The following ANKRD24 variants were observed in gnomAD, a reference collection of about 807,000 sequenced individuals.
The protein encoded by ANKRD24 is ankyrin repeat domain 24.
In ANKRD24, 109 loss-of-function variants were observed where a neutral mutation model predicts 127.8. The ratio of observed to expected loss-of-function variants is 0.85; its 90% CI spans 0.73 to 1.00. The LOEUF (loss-of-function observed/expected upper bound fraction) is 1.00, where lower values mean the gene tolerates loss of function less well. Among genes scored for constraint, ANKRD24 ranks in the 50% least tolerant of loss-of-function variants. ANKRD24 has a pLI of 0.00. For missense variants in ANKRD24, 1,648 were observed against 1,570.2 expected, an observed-to-expected ratio of 1.05 and a Z score of -0.84; for synonymous variants, 743 against 671.1, an observed-to-expected ratio of 1.11 and a Z score of -1.66.
intron 7 of ANKRD24, 52 bp downstream of exon 7, chr19:4,202,978 T>C (rs1969179219): frequency 6.8e-7 from 1 of 1,474,874 alleles, no homozygotes; most frequent in Non-Finnish European, 9.1e-7. Context: ...GGTGCTAGAC[T>C]TGGGGGTTAT....
chr19:4,189,578 G>T (rs1258588414), intron 2 of ANKRD24, among the ~76,000 whole-genome samples: 1 of 151,368 alleles, frequency 6.6e-6, no homozygotes, highest in Non-Finnish European at 1.5e-5. Context: ...AAGAGATGGG[G>T]TCTCACTATG....
chr19:4,186,886 C>T (rs1968095928), intron 2 of ANKRD24, among the ~76,000 whole-genome samples: 1 of 152,188 alleles, frequency 6.6e-6, no homozygotes, highest in Admixed American at 6.6e-5. Context: ...ACAGGGGAAT[C>T]AGCCAGGGAA....
rs1968707772 is a variant in ANKRD24 at position 4,195,918 on chromosome 19, G to C, written c.37-3765G>C. Among the ~76,000 whole-genome samples, 1 of 152,084 alleles carries C rather than the reference G, an allele frequency of 6.6e-6. No individual in the cohort carries two copies. Among genetic ancestry groups the C allele is most frequent in the African/African-American group, 2.4e-5 (1 of 41,418 alleles). Reference sequence around the variant, plus strand: ...CAAAAGAAAAAAAGTAAAAGTCTAAGAATAATCACGGACCACACCGACGTG... The same window carrying C: ...CAAAAGAAAAAAAGTAAAAGTCTAACAATAATCACGGACCACACCGACGTG... On this transcript the variant is annotated intron_variant, in intron 2 of 21. Coordinates refer to ENST00000318934, the MANE Select transcript of ANKRD24 (RefSeq NM_001393985.1). The surrounding 1 kb of genome is among the most constrained non-coding windows in gnomAD (Gnocchi z 4.2).
Position 4,202,108 on chromosome 19 carries a change from C to T in ANKRD24, c.408+18C>T. The T allele has an allele frequency of 6.2e-7, 1 of 1,611,798 alleles. No individual in the cohort carries two copies. The highest frequency in any genetic ancestry group is 8.5e-7 in the Non-Finnish European group (1 of 1,178,016). On this transcript the variant is annotated intron_variant, in intron 6 of 21. Coordinates refer to ENST00000318934, the MANE Select transcript of ANKRD24 (RefSeq NM_001393985.1). Reference sequence around the variant, plus strand: ...TACTGCAGGTCATTTACTGTCTTATCTCAGCTACTCCCTTGGCCCCTACTA... The same window carrying T: ...TACTGCAGGTCATTTACTGTCTTATTTCAGCTACTCCCTTGGCCCCTACTA...
At position 4,217,610 on chromosome 19, in the gene ANKRD24, A is replaced by C; in HGVS notation, c.2450A>C (p.Glu817Ala). 7.7e-7 allele frequency: 1 copy of C among 1,292,024 alleles called. No homozygotes were observed. The highest frequency in any genetic ancestry group is 3.3e-5 in the East Asian group (1 of 30,282). The allele number at this position is 1,292,024 out of a possible 1,614,324, so 80.0% of individuals were successfully genotyped here. ...ELEAASACLD[E>A]ARASRLLAEE... is the part of the protein sequence containing the mutation. ...GAGGCGGCCTCGGCCTGCCTGGATG[A>C]GGCTCGGGCCAGCCGGCTGCTGGCG... The change falls in exon 18 of 22, where the codon GAG (glutamate) becomes GCG (alanine). Residue 817 changes from glutamate to alanine, a missense_variant. Coordinates refer to ENST00000318934, the MANE Select transcript of ANKRD24 (RefSeq NM_001393985.1).
Position 4,195,128 on chromosome 19 carries a change from A to G in ANKRD24, c.37-4555A>G, listed in dbSNP as rs1286067428. The stretch of plus-strand genomic sequence containing the variant: ...CACTCTGTCACCCAGGTTGGAGTGC[A>G]GTGGCACGACTTCTGCTCACTGCAA... On this transcript the variant is annotated intron_variant, in intron 2 of 21. Coordinates refer to ENST00000318934, the MANE Select transcript of ANKRD24 (RefSeq NM_001393985.1). This position sits in a 1 kb window ranked among gnomAD's most constrained non-coding sequence, Gnocchi z 4.2. Among the ~76,000 whole-genome samples, 3 of 151,862 alleles carry G rather than the reference A, an allele frequency of 2.0e-5. No homozygotes were observed. Among genetic ancestry groups the G allele is most frequent in the African/African-American group, 7.3e-5 (3 of 41,316 alleles).
intron 11 of ANKRD24, among the ~76,000 whole-genome samples, 157 bp from the exon 12 acceptor site, chr19:4,209,901 T>G (rs777576865): frequency 1.5e-4 from 22 of 143,232 alleles, no homozygotes; most frequent in Non-Finnish European, 2.3e-4. Context: ...TGTCTGCGCT[T>G]TGCTGGGATA....
chr19:4,201,215 G>C (rs1429920352), intron 5 of ANKRD24, among the ~76,000 whole-genome samples: 2 of 152,072 alleles, frequency 1.3e-5, no homozygotes, highest in Non-Finnish European at 2.9e-5. Flanking sequence ...GCCAAAAGGA[G>C]TAGTTGGGGC....
At chr19:4,190,252 G>A (rs914250177) in intron 2 of ANKRD24, among the ~76,000 whole-genome samples, 7 of 151,708 alleles carry the variant, frequency 4.6e-5, no homozygotes, top group Admixed American at 2.6e-4. Context: ...TCATTAACAC[G>A]GTGAAACCCC....
At chr19:4,210,219 G>A (rs751804233) in intron 12 of ANKRD24, 46 bp from the exon 13 acceptor site, 2 of 1,560,102 alleles carry the variant, frequency 1.3e-6, no homozygotes, top group African/African-American at 2.7e-5. Context: ...CCTGGGATGG[G>A]GCAACCTTAG....
rs201747911 is a variant in ANKRD24 at position 4,224,173 on chromosome 19, A to G, written c.3344A>G (p.His1115Arg). The change falls in exon 21 of 22, where the codon CAC becomes CGC. Residue 1115 changes from histidine to arginine, a missense_variant. Coordinates refer to ENST00000318934, the MANE Select transcript of ANKRD24 (RefSeq NM_001393985.1). ...HSSVVALYRS[H>R]LLYAIQGQMD... ...AGCGTGGTGGCTTTGTACAGAAGCCACCTCCTATATGCCATTCAGGTGAGT... is the reference window on the plus strand; with the variant it reads ...AGCGTGGTGGCTTTGTACAGAAGCCGCCTCCTATATGCCATTCAGGTGAGT... 1 of 1,611,636 alleles carries G rather than the reference A, an allele frequency of 6.2e-7. No homozygotes were observed. Among genetic ancestry groups the G allele is most frequent in the African/African-American group, 1.3e-5 (1 of 74,802 alleles).
chr19:4,207,423 C>T lies in ANKRD24; in HGVS notation c.538-78C>T, dbSNP rs1305332838. On this transcript the variant is annotated intron_variant, in intron 8 of 21. Transcript: ENST00000318934. ...GTCTGAGAAAGTTTGAGGTGAAACT[C>T]AAGGGCAGTTATATAGGCTTCTGCA... is the stretch of plus-strand genomic sequence containing the variant. 5 of 1,572,834 alleles carry T rather than the reference C, an allele frequency of 3.2e-6. 1 individual carries two copies. Among genetic ancestry groups the T allele is most frequent in the East Asian group, 4.5e-5 (2 of 44,664 alleles).
Position 4,217,673 on chromosome 19 carries a change from A to G in ANKRD24, c.2513A>G (p.Gln838Arg). The G allele has an allele frequency of 7.8e-7, 1 of 1,285,752 alleles. No homozygotes were observed. Among genetic ancestry groups the G allele is most frequent in the South Asian group, 2.4e-5 (1 of 42,538 alleles). The allele number at this position is 1,285,752 out of a possible 1,614,324, so 79.6% of individuals were successfully genotyped here. A position where few individuals can be genotyped will look rare whatever the true frequency, so the allele number is the denominator to read the frequency against. ...EARGLRAELAQREEARLEQSR... is the reference protein window; with the variant it reads ...EARGLRAELARREEARLEQSR... ...CGGGGCCTGCGGGCCGAGCTGGCCC[A>G]GCGGGAGGAGGCGCGGCTGGAGCAG... Residue 838 changes from glutamine to arginine, a missense_variant, in exon 18 of 22, where the codon CAG becomes CGG. Transcript: ENST00000318934.
At position 4,207,294 on chromosome 19, in the gene ANKRD24, T is replaced by C. The variant is rs1175638738; in HGVS notation, c.519T>C (p.His173=). The C allele has an allele frequency of 6.2e-7, 1 of 1,613,774 alleles. No individual in the cohort carries two copies. Among genetic ancestry groups the C allele is most frequent in the Non-Finnish European group, 8.5e-7 (1 of 1,179,854 alleles). The change falls in exon 8 of 22, where the codon CAT becomes CAC. Residue 173 remains histidine, a synonymous_variant. Coordinates refer to ENST00000318934, the MANE Select transcript of ANKRD24 (RefSeq NM_001393985.1). Reference sequence around the variant, plus strand: ...AGGTGCTCTGCTCCTTTAAGGCACATCTAAACCCCCAAGATCGGGTAAGCT... The same window carrying C: ...AGGTGCTCTGCTCCTTTAAGGCACACCTAAACCCCCAAGATCGGGTAAGCT... ...CSEVLCSFKA[H]LNPQDRSGAT... is the part of the protein sequence containing the mutation.
intron 15 of ANKRD24, 61 bp downstream of exon 15, chr19:4,212,759 G>A: frequency 6.9e-7 from 1 of 1,448,448 alleles, no homozygotes; most frequent in Non-Finnish European, 9.4e-7. Context: ...CTCTCCTACA[G>A]CAGCGACAAG....
intron 19 of ANKRD24, 30 bp from the exon 20 acceptor site, chr19:4,222,640 G>A (rs778880285): frequency 6.3e-7 from 1 of 1,580,128 alleles, no homozygotes; most frequent in East Asian, 2.3e-5. Flanking sequence ...CTGGGCTTAG[G>A]GTGATCGCTG....
chr19:4,203,957 C>CTTTTTTTT (rs34885254), intron 7 of ANKRD24, among the ~76,000 whole-genome samples: 2 of 62,358 alleles, frequency 3.2e-5, no homozygotes, highest in Non-Finnish European at 5.6e-5. Context: ...GCCCTTCTCC[C>CTTTTTTTT]TTTTTTTTTT....
In ANKRD24 at chr19:4,199,999, A is replaced by T; in HGVS notation, c.248A>T (p.Lys83Met). The T allele has an allele frequency of 6.4e-7, 1 of 1,562,664 alleles. No individual in the cohort carries two copies. Among genetic ancestry groups the T allele is most frequent in the Non-Finnish European group, 8.7e-7 (1 of 1,152,228 alleles). The change falls in exon 4 of 22, where the codon AAG becomes ATG. Residue 83 changes from lysine to methionine, a missense_variant. Lys to Met is a moderately conservative substitution (Grantham distance 95). Transcript: ENST00000318934. This position sits in a 1 kb window ranked among gnomAD's most constrained non-coding sequence, Gnocchi z 5.2. ...LVPTKLDPEGKSAFHLAAMRG... is the reference protein window; with the variant it reads ...LVPTKLDPEGMSAFHLAAMRG... The stretch of plus-strand genomic sequence containing the variant: ...CCCACGAAGCTAGACCCCGAGGGCA[A>T]GTCCGCGTGAGTGCCCGCGACCCGG...
At chr19:4,189,978 G>A (rs1968291405) in intron 2 of ANKRD24, among the ~76,000 whole-genome samples, 1 of 152,156 alleles carries the variant, frequency 6.6e-6, no homozygotes, top group Admixed American at 6.6e-5. Context: ...GACAGCGGGA[G>A]AGAAAGAGGT....
Sources: gnomAD v4.1 joint callset for allele counts (sites outside exome capture counted in the v4.1 genomes callset) on GRCh38, gnomAD v4.1.1 for gene constraint, Gnocchi (gnomAD v3.1) non-coding constraint, MANE v1.5 for transcripts, NCBI Gene and HGNC (gene_info 2026-07-23, HGNC 2026-07-21) for gene names.